The following EVC2 variants were observed in gnomAD, a reference collection of about 807,000 sequenced individuals.
The protein encoded by EVC2 is EvC ciliary complex subunit 2, also known as limbin.
A neutral mutation model predicts 149.3 loss-of-function variants in EVC2; 148 were observed. The ratio of observed to expected loss-of-function variants is 0.99; its 90% CI spans 0.87 to 1.14. The LOEUF is 1.14. Ranked by LOEUF, EVC2 falls within the 50% of genes most tolerant of loss-of-function variation. The pLI is 0.00. For missense variants in EVC2, 1,854 were observed against 1,627.3 expected, an observed-to-expected ratio of 1.14 and a Z score of -2.40; for synonymous variants, 776 against 649.9, an observed-to-expected ratio of 1.19 and a Z score of -2.95.
intron 21 of EVC2, among the ~76,000 whole-genome samples, chr4:5,551,066 G>T (rs766268266): frequency 4.6e-5 from 7 of 152,216 alleles, no homozygotes; most frequent in Non-Finnish European, 1.0e-4. Context: ...CCCTCATGGA[G>T]AACCTCTGCC....
intron 6 of EVC2, among the ~76,000 whole-genome samples, chr4:5,681,821 T>C (rs1234280520): frequency 6.6e-6 from 1 of 152,232 alleles, no homozygotes; most frequent in Admixed American, 6.5e-5. Flanking sequence ...AAGTGTGTCA[T>C]GGTATCCACC....
In EVC2 at chr4:5,569,528, A is replaced by G. The variant is rs1044845240; in HGVS notation, c.3361-888T>C. 6.6e-6 allele frequency among the ~76,000 whole-genome samples: 1 copy of G among 152,186 alleles called. No individual in the cohort carries two copies. The highest frequency in any genetic ancestry group is 1.5e-5 in the Non-Finnish European group (1 of 68,030). On this transcript the variant is annotated intron_variant, in intron 19 of 21. Transcript: ENST00000344408. This position sits in a 1 kb window ranked among gnomAD's most constrained non-coding sequence, Gnocchi z 4.8. ...AAATTTTGGCCAGGCATGGGGGCTC[A>G]CATCTGTAATCCCAGCACTTTGGAC... is the stretch of plus-strand genomic sequence containing the variant.
At chr4:5,540,249 CAA>C (rs1467719061), downstream of EVC2, among the ~76,000 whole-genome samples, 2 of 152,192 alleles carry the variant, frequency 1.3e-5, no homozygotes, top group Non-Finnish European at 2.9e-5. Context: ...TAACGTGGTG[CAA>C]ACACTGTGGA....
chr4:5,538,853 C>G (rs1444642319), downstream of EVC2, among the ~76,000 whole-genome samples: 1 of 152,118 alleles, frequency 6.6e-6, no homozygotes, highest in South Asian at 2.1e-4. Flanking sequence ...AAACCCACAG[C>G]TAATATCATA....
At chr4:5,704,261 C>T (rs1722000743) in intron 1 of EVC2, among the ~76,000 whole-genome samples, 2 of 152,092 alleles carry the variant, frequency 1.3e-5, no homozygotes, top group South Asian at 4.2e-4. Flanking sequence ...AGAGTGAAAA[C>T]TGTGTTGATT....
chr4:5,697,623 T>C lies in EVC2; in HGVS notation c.253A>G (p.Lys85Glu). 1 of 1,614,166 alleles carries C rather than the reference T, an allele frequency of 6.2e-7. No individual in the cohort carries two copies. Among genetic ancestry groups the C allele is most frequent in the Non-Finnish European group, 8.5e-7 (1 of 1,180,030 alleles). ...GTCTTAAAGTGACAGCATTCCACTT[T>C]GGGCCAAATCATACAGGGCAAGTCC... is the stretch of plus-strand genomic sequence containing the variant. ...TQDLPCMIWP[K>E]VECCHFKTAV... Residue 85 changes from lysine (K) to glutamate (E), a missense_variant, in exon 2 of 22, where the codon AAA becomes GAA. Transcript: ENST00000344408.
At chr4:5,539,665 G>C (rs1721477086), downstream of EVC2, among the ~76,000 whole-genome samples, 1 of 152,094 alleles carries the variant, frequency 6.6e-6, no homozygotes, top group South Asian at 2.1e-4. Context: ...AACAAAGGCG[G>C]AATTCAATTC....
chr4:5,565,529 G>A (rs1467686759), intron 20 of EVC2, among the ~76,000 whole-genome samples, 170 bp from the exon 21 acceptor site: 2 of 151,998 alleles, frequency 1.3e-5, no homozygotes. Flanking sequence ...AAAATTAGCA[G>A]GGCGTGGTAG....
chr4:5,582,136 T>C (rs542377455), intron 17 of EVC2, among the ~76,000 whole-genome samples: 130 of 152,314 alleles, frequency 8.5e-4, no homozygotes, highest in African/African-American at 2.8e-3. Flanking sequence ...AGAGTCCCCA[T>C]TGAGACACTG....
chr4:5,706,082 C>T (rs1722112447), intron 1 of EVC2, among the ~76,000 whole-genome samples: 1 of 151,956 alleles, frequency 6.6e-6, no homozygotes, highest in Non-Finnish European at 1.5e-5. Flanking sequence ...CATGACGATT[C>T]CTCCACTTGG....
At chr4:5,540,700 A>AT (rs1434442417), downstream of EVC2, among the ~76,000 whole-genome samples, 1 of 152,170 alleles carries the variant, frequency 6.6e-6, no homozygotes, top group African/African-American at 2.4e-5. Flanking sequence ...CCACAAGGAA[A>AT]TTTTGGGGGA....
In EVC2 at chr4:5,557,158, G is replaced by C. The variant is rs189574472; in HGVS notation, c.3419+8100C>G. ...GAGACCTATATCTCACATGAACATAGATGAACAAATCCTGAAAAATATATT... is the reference window on the plus strand; with the variant it reads ...GAGACCTATATCTCACATGAACATACATGAACAAATCCTGAAAAATATATT... On this transcript the variant is annotated intron_variant and NMD_transcript_variant, in intron 21 of 22. Coordinates refer to the EVC2 transcript ENST00000475313. Among the ~76,000 whole-genome samples the C allele has an allele frequency of 7.9e-5, 12 of 152,128 alleles. No homozygotes were observed. The East Asian group carries it at 2.3e-3, about 29-fold the overall frequency.
chr4:5,669,037 G>T (rs757684382), intron 7 of EVC2, among the ~76,000 whole-genome samples: 9 of 152,200 alleles, frequency 5.9e-5, no homozygotes, highest in Non-Finnish European at 1.2e-4. Context: ...GATGGAGGCA[G>T]ATACTGAGTG....
intron 19 of EVC2, among the ~76,000 whole-genome samples, chr4:5,573,198 G>A (rs756660782): frequency 1.6e-4 from 25 of 152,192 alleles, no homozygotes; most frequent in Non-Finnish European, 3.5e-4. Context: ...CCCATCCTGG[G>A]ACCTGCGAAG....
Position 5,638,757 on chromosome 4 carries a change from C to A in EVC2, c.1470+1757G>T, listed in dbSNP as rs527526166. Among the ~76,000 whole-genome samples the A allele has an allele frequency of 2.0e-5, 3 of 152,094 alleles. No individual in the cohort carries two copies. In the South Asian group the frequency reaches 6.2e-4, roughly 32 times the overall value. On this transcript the variant is annotated intron_variant, in intron 10 of 21. Transcript: ENST00000344408. ...CAATGACAAATGTCCTTATAAGAGA[C>A]AGGAGATGAGAGGGTTACCAGGGAA...
chr4:5,556,353 T>C (rs900790807), intron 21 of EVC2, among the ~76,000 whole-genome samples: 1 of 151,842 alleles, frequency 6.6e-6, no homozygotes, highest in African/African-American at 2.4e-5. Flanking sequence ...CATGGGACAA[T>C]GAAGTCTCAA....
rs1365766230 is a variant in EVC2 at position 5,708,499 on chromosome 4, G to A, written c.15C>T (p.Gly5=). 3 of 1,477,896 alleles carry A rather than the reference G, an allele frequency of 2.0e-6. No homozygotes were observed. The highest frequency in any genetic ancestry group is 1.8e-6 in the Non-Finnish European group (2 of 1,122,100). 91.5% of individuals were successfully genotyped at this position (1,477,896 alleles called of 1,614,324 possible). Residue 5 remains glycine (G), a synonymous_variant, in exon 1 of 22, where the codon GGC becomes GGT. Coordinates refer to ENST00000344408, the MANE Select transcript of EVC2 (RefSeq NM_147127.5). ...GCACCCACGTGGGGCGCCCCCGGGA[G>A]CCCGAGGGGTCCATCGCCTGTCGGG... The part of the protein sequence containing the change: MDPS[G]SRGRPTWVLA...
At chr4:5,596,726 G>C (rs1713454342) in intron 16 of EVC2, among the ~76,000 whole-genome samples, 1 of 152,062 alleles carries the variant, frequency 6.6e-6, no homozygotes, top group African/African-American at 2.4e-5. Flanking sequence ...AATCAGAGCA[G>C]AACTGAAGGA....
intron 1 of EVC2, among the ~76,000 whole-genome samples, chr4:5,700,945 T>C (rs1038084067): frequency 4.6e-5 from 7 of 152,254 alleles, no homozygotes. Flanking sequence ...ACTGCAAATG[T>C]AGTGGCTTAA....
Sources: gnomAD v4.1 joint callset for allele counts (sites outside exome capture counted in the v4.1 genomes callset) on GRCh38, gnomAD v4.1.1 for gene constraint, Gnocchi (gnomAD v3.1) non-coding constraint, MANE v1.5 for transcripts, NCBI Gene and HGNC (gene_info 2026-07-23, HGNC 2026-07-21) for gene names.